The following SH3TC1 variants were observed in gnomAD, a reference collection of about 807,000 sequenced individuals.
The protein encoded by SH3TC1 is SH3 domain and tetratricopeptide repeat-containing protein 1.
A neutral mutation model predicts 117.3 loss-of-function variants in SH3TC1; 135 were observed. The observed-to-expected ratio is 1.15, with a 90% CI of 1.00 to 1.33. The LOEUF is 1.33. Among genes scored for constraint, SH3TC1 ranks in the 40% most tolerant of loss-of-function variants. The pLI is 0.00. For missense variants in SH3TC1, 2,092 were observed against 1,794.3 expected, an observed-to-expected ratio of 1.17 and a Z score of -3.00; for synonymous variants, 898 against 816.9, an observed-to-expected ratio of 1.10 and a Z score of -1.69.
chr4:8,240,386 G>A (rs1722223892), intron 17 of SH3TC1, among the ~76,000 whole-genome samples: 1 of 152,184 alleles, frequency 6.6e-6, no homozygotes, highest in Admixed American at 6.5e-5. Flanking sequence ...GGTCCTGCAT[G>A]GAACTCTCAG....
At chr4:8,196,482 G>A (rs531087398), upstream of SH3TC1, among the ~76,000 whole-genome samples, 6 of 152,258 alleles carry the variant, frequency 3.9e-5, no homozygotes, top group African/African-American at 1.2e-4. This position sits in a 1 kb window ranked among gnomAD's most constrained non-coding sequence, Gnocchi z 4.6. Flanking sequence ...CCTCGGGGGT[G>A]GCCACTCACC....
At chr4:8,232,790 A>C in intron 13 of SH3TC1, 4 of 1,288,512 alleles carry the variant, frequency 3.1e-6, no homozygotes, top group Non-Finnish European at 4.0e-6. Flanking sequence ...GACCCGGGAG[A>C]TCGGCTCCAG....
chr4:8,200,316 T>G (rs1717750171), intron 1 of SH3TC1, among the ~76,000 whole-genome samples: 1 of 152,024 alleles, frequency 6.6e-6, no homozygotes. Context: ...GATGGGTATG[T>G]GGGGGCTGGG....
At chr4:8,207,547 G>T (rs761856994) in intron 2 of SH3TC1, among the ~76,000 whole-genome samples, 1 of 152,160 alleles carries the variant, frequency 6.6e-6, no homozygotes, top group African/African-American at 2.4e-5. Context: ...TGTCTAATTA[G>T]GCAACCCTTC....
rs746413940 is a variant in SH3TC1, at chr4:8,240,890, G to C, written c.3946G>C (p.Val1316Leu). The C allele has an allele frequency of 1.9e-5, 31 of 1,613,120 alleles. No homozygotes were observed. The highest frequency in any genetic ancestry group is 2.6e-5 in the Non-Finnish European group (31 of 1,180,040). Residue 1316 changes from valine (V) to leucine (L), a missense_variant, in exon 18 of 18, where the codon GTC (valine) becomes CTC (leucine). By Grantham distance (32) the Val-to-Leu change is conservative. Coordinates refer to ENST00000245105, the MANE Select transcript of SH3TC1 (RefSeq NM_018986.5). ...TFATELNVRR[V>L]NLPPLPLCGW... ...CGCCACAGAGCTCAACGTCCGCAGG[G>C]TCAACCTGCCTCCTCTGCCACTCTG...
intron 1 of SH3TC1, among the ~76,000 whole-genome samples, chr4:8,189,983 C>T (rs1002204619): frequency 2.6e-5 from 4 of 152,178 alleles, no homozygotes; most frequent in Non-Finnish European, 4.4e-5. Flanking sequence ...GGCTTGGCCA[C>T]GTGGAAAACA....
intron 2 of SH3TC1, among the ~76,000 whole-genome samples, chr4:8,208,723 AG>A (rs1718408562): frequency 6.6e-6 from 1 of 152,180 alleles, no homozygotes; most frequent in African/African-American, 2.4e-5. Context: ...AGAGCAAGTG[AG>A]GCCTAGGAAT....
chr4:8,191,958 C>CATACATTT (rs1361366667), intron 1 of SH3TC1, among the ~76,000 whole-genome samples: 15 of 148,114 alleles, frequency 1.0e-4, no homozygotes, highest in Admixed American at 6.8e-5. Context: ...CTCTGAGTTA[C>CATACATTT]ATTTATTTAT....
At chr4:8,237,175 G>A (rs750641358) in intron 16 of SH3TC1, 15 of 356,182 alleles carry the variant, frequency 4.2e-5, no homozygotes, top group Middle Eastern at 7.2e-4. Flanking sequence ...CCAGGAGCGC[G>A]TGGGCTGCAT....
At chr4:8,233,561 A>C in intron 14 of SH3TC1, 48 bp downstream of exon 14, 1 of 1,531,898 alleles carries the variant, frequency 6.5e-7, no homozygotes, top group Non-Finnish European at 8.8e-7. Context: ...TTCACTCTCC[A>C]TCCATCCATC....
At chr4:8,204,922 G>T (rs1268982360) in intron 1 of SH3TC1, 3 of 329,790 alleles carry the variant, frequency 9.1e-6, no homozygotes, top group Non-Finnish European at 1.6e-5. Context: ...CAGAAAACCA[G>T]CGAGAGGAGG....
In SH3TC1 at chr4:8,211,000, T is replaced by G. The variant is rs1481247327; in HGVS notation, c.247+1178T>G. 6.6e-6 allele frequency among the ~76,000 whole-genome samples: 1 copy of G among 151,454 alleles called. No individual in the cohort carries two copies. Among genetic ancestry groups the G allele is most frequent in the Non-Finnish European group, 1.5e-5 (1 of 67,896 alleles). On this transcript the variant is annotated intron_variant, in intron 3 of 17. Transcript: ENST00000245105. This position sits in a 1 kb window ranked among gnomAD's most constrained non-coding sequence, Gnocchi z 4.1. The stretch of plus-strand genomic sequence containing the variant: ...TCTGTCTCTGTCTCATTTCCATCTG[T>G]CTCTCCCTCCCATTTTCTCCCCTCT...
intron 10 of SH3TC1, among the ~76,000 whole-genome samples, chr4:8,223,752 C>T (rs1720171855): frequency 6.6e-6 from 1 of 151,964 alleles, no homozygotes; most frequent in Admixed American, 6.6e-5. Flanking sequence ...CGTGTCTCAG[C>T]CTCCCAAGTA....
chr4:8,200,710 C>T (rs1050348593), intron 1 of SH3TC1, among the ~76,000 whole-genome samples: 4 of 152,218 alleles, frequency 2.6e-5, no homozygotes, highest in African/African-American at 4.8e-5. Context: ...TGTTCTCTCG[C>T]GGCTCTGGAG....
At chr4:8,238,199 G>C (rs542718959) in intron 17 of SH3TC1, among the ~76,000 whole-genome samples, 1 of 152,298 alleles carries the variant, frequency 6.6e-6, no homozygotes, top group East Asian at 1.9e-4. Flanking sequence ...ACCCAGGCAG[G>C]GTGGGGCGGG....
chr4:8,212,841 C>T lies in SH3TC1; in HGVS notation c.375+13C>T, dbSNP rs752108493. On this transcript the variant is annotated intron_variant, in intron 4 of 17. Coordinates refer to ENST00000245105, the MANE Select transcript of SH3TC1 (RefSeq NM_018986.5). Reference sequence around the variant, plus strand: ...CCGCGTGCTTGGGGTGAGTAGCCCTCTGGGGCCTGCTCAGGGATGGGAGCT... The same window carrying T: ...CCGCGTGCTTGGGGTGAGTAGCCCTTTGGGGCCTGCTCAGGGATGGGAGCT... The T allele has an allele frequency of 1.2e-5, 18 of 1,550,044 alleles. No individual in the cohort carries two copies. The highest frequency in any genetic ancestry group is 2.6e-6 in the Non-Finnish European group (3 of 1,146,292).
At chr4:8,236,563 G>C in intron 16 of SH3TC1, 135 bp downstream of exon 16, 1 of 1,248,004 alleles carries the variant, frequency 8.0e-7, no homozygotes, top group Non-Finnish European at 1.1e-6. Context: ...CTGCCCAGCT[G>C]GCTCCCCCGT....
chr4:8,220,881 C>G (rs1259265456), intron 9 of SH3TC1, among the ~76,000 whole-genome samples: 1 of 152,248 alleles, frequency 6.6e-6, no homozygotes, highest in East Asian at 1.9e-4. Context: ...GCTGGCCAGG[C>G]CATGCACTGA....
intron 10 of SH3TC1, chr4:8,224,893 A>G: frequency 2.3e-6 from 1 of 438,106 alleles, no homozygotes; most frequent in Non-Finnish European, 4.1e-6. Context: ...AGGCCTGGAG[A>G]TGCTAGAACA....
Sources: gnomAD v4.1 joint callset for allele counts (sites outside exome capture counted in the v4.1 genomes callset) on GRCh38, gnomAD v4.1.1 for gene constraint, Gnocchi (gnomAD v3.1) non-coding constraint, MANE v1.5 for transcripts, NCBI Gene and HGNC (gene_info 2026-07-23, HGNC 2026-07-21) for gene names.